The following SPRR2G variants were observed in gnomAD, a reference collection of about 807,000 sequenced individuals.
SPRR2G encodes small proline rich protein 2G.
Under a neutral mutation model 0.7 loss-of-function variants are expected in SPRR2G, and 1 was observed. That is an observed-to-expected ratio of 1.49 (90% CI 0.53 to 7.06). The LOEUF is 7.06. Ranked by LOEUF, SPRR2G falls within the 30% of genes most tolerant of loss-of-function variation. SPRR2G has a pLI of 0.14. For missense variants in SPRR2G, 96 were observed against 88.5 expected (o/e 1.09, Z -0.34); for synonymous variants, 38 against 33.9 (o/e 1.12, Z -0.42).
the SPRR2G span, among the ~76,000 whole-genome samples, chr1:153,201,319 C>T: frequency 6.6e-6 from 1 of 152,190 alleles, no homozygotes; most frequent in Non-Finnish European, 1.5e-5. Context: ...ACTGAAAGTC[C>T]AGTGACTGAT....
chr1:153,152,095 C>CA (rs1241492788), upstream of SPRR2G, among the ~76,000 whole-genome samples: 1 of 152,172 alleles, frequency 6.6e-6, no homozygotes, highest in Non-Finnish European at 1.5e-5. Flanking sequence ...TACAAAAACT[C>CA]AAAGAGTGGC....
the SPRR2G span, among the ~76,000 whole-genome samples, chr1:153,187,631 G>A: frequency 2.0e-5 from 3 of 152,064 alleles, no homozygotes; most frequent in South Asian, 6.2e-4. Context: ...TAGCTTTCTT[G>A]CATTGGGTTA....
chr1:153,192,981 G>T, the SPRR2G span, among the ~76,000 whole-genome samples: 1 of 152,152 alleles, frequency 6.6e-6, no homozygotes, highest in Non-Finnish European at 1.5e-5. Flanking sequence ...TGCGTCCTTT[G>T]TGAGGCACAC....
the SPRR2G span, among the ~76,000 whole-genome samples, chr1:153,171,428 A>G: frequency 2.6e-5 from 4 of 152,216 alleles, no homozygotes; most frequent in African/African-American, 9.6e-5. Context: ...GCTTCCCTGT[A>G]TTCATTCATC....
At chr1:153,163,998 G>A in the SPRR2G span, among the ~76,000 whole-genome samples, 16 of 152,152 alleles carry the variant, frequency 1.1e-4, no homozygotes, top group African/African-American at 2.9e-4. Context: ...TATCAATACC[G>A]TTTCATACTA....
the SPRR2G span, among the ~76,000 whole-genome samples, chr1:153,167,366 C>T: frequency 6.6e-6 from 1 of 151,894 alleles, no homozygotes; most frequent in Non-Finnish European, 1.5e-5. Context: ...CCCAGCTACT[C>T]GGGAGGCTGA....
the SPRR2G span, among the ~76,000 whole-genome samples, chr1:153,179,234 T>TCTAAG: frequency 6.6e-6 from 1 of 152,138 alleles, no homozygotes; most frequent in East Asian, 1.9e-4. Context: ...ATTTTCTCCC[T>TCTAAG]TACTTAGAGT....
chr1:153,196,505 G>A, the SPRR2G span, among the ~76,000 whole-genome samples: 1 of 152,184 alleles, frequency 6.6e-6, no homozygotes, highest in Admixed American at 6.5e-5. Context: ...AGTTTGATTA[G>A]ATAAAGCTGC....
the SPRR2G span, among the ~76,000 whole-genome samples, chr1:153,201,841 C>A: frequency 2.6e-5 from 4 of 152,234 alleles, no homozygotes; most frequent in Non-Finnish European, 5.9e-5. Flanking sequence ...TCCCCAGTGG[C>A]CCAAGGGCCA....
the SPRR2G span, among the ~76,000 whole-genome samples, chr1:153,193,207 C>T: frequency 2.0e-5 from 3 of 152,146 alleles, no homozygotes; most frequent in Non-Finnish European, 4.4e-5. Context: ...ACAGAATCCC[C>T]TCTACATCAT....
chr1:153,162,049 G>A, the SPRR2G span, among the ~76,000 whole-genome samples: 1 of 152,056 alleles, frequency 6.6e-6, no homozygotes, highest in Non-Finnish European at 1.5e-5. Flanking sequence ...GTGCAGGTTT[G>A]TTATATAGGT....
In SPRR2G at chr1:153,149,682, G is replaced by T; in HGVS notation, c.*207C>A. The T allele has an allele frequency of 1.5e-6, 1 of 656,502 alleles. No homozygotes were observed. The highest frequency in any genetic ancestry group is 2.6e-6 in the Non-Finnish European group (1 of 383,630). The allele number at this position is 656,502 out of a possible 1,614,324, so 40.7% of individuals were successfully genotyped here. Reference sequence around the variant, plus strand: ...CACCATCTACATCACAGACAGCAAAGCGAGATTAGGCAGTGATCTGGCTGC... The same window carrying T: ...CACCATCTACATCACAGACAGCAAATCGAGATTAGGCAGTGATCTGGCTGC... On this transcript the variant is annotated 3_prime_UTR_variant, in exon 2 of 2. Coordinates refer to ENST00000368748, the MANE Select transcript of SPRR2G (RefSeq NM_001014291.4).
chr1:153,174,177 T>C, the SPRR2G span, among the ~76,000 whole-genome samples: 1 of 152,196 alleles, frequency 6.6e-6, no homozygotes, highest in Non-Finnish European at 1.5e-5. Context: ...TTCCAAGAAC[T>C]CCAATTTCAT....
chr1:153,195,846 G>T, the SPRR2G span, among the ~76,000 whole-genome samples: 1 of 151,814 alleles, frequency 6.6e-6, no homozygotes, highest in Non-Finnish European at 1.5e-5. Flanking sequence ...CTCCCACCCT[G>T]AGCACCCCAC....
chr1:153,193,257 C>T, the SPRR2G span, among the ~76,000 whole-genome samples: 2 of 152,084 alleles, frequency 1.3e-5, no homozygotes, highest in Non-Finnish European at 2.9e-5. Flanking sequence ...TTCTGTGACC[C>T]ACTCACCCCC....
chr1:153,154,693 T>A (rs1364286245), upstream of SPRR2G, among the ~76,000 whole-genome samples: 1 of 152,008 alleles, frequency 6.6e-6, no homozygotes, highest in Admixed American at 6.6e-5. Context: ...TGGCATCAGT[T>A]TTCATATCTC....
chr1:153,199,143 T>C, the SPRR2G span, among the ~76,000 whole-genome samples: 2 of 152,170 alleles, frequency 1.3e-5, no homozygotes, highest in African/African-American at 4.8e-5. Flanking sequence ...CAAGAAAAAC[T>C]TACGCAATGG....
the SPRR2G span, among the ~76,000 whole-genome samples, chr1:153,177,346 C>A: frequency 2.0e-5 from 3 of 152,234 alleles, no homozygotes; most frequent in Admixed American, 2.0e-4. Flanking sequence ...CATGTTATTT[C>A]TCTTAAATGA....
At chr1:153,188,057 G>T in the SPRR2G span, among the ~76,000 whole-genome samples, 1 of 152,160 alleles carries the variant, frequency 6.6e-6, no homozygotes, top group Non-Finnish European at 1.5e-5. Context: ...AAAGATTGCT[G>T]CCTACTCCTT....
Sources: gnomAD v4.1 joint callset for allele counts (sites outside exome capture counted in the v4.1 genomes callset) on GRCh38, gnomAD v4.1.1 for gene constraint, MANE v1.5 for transcripts, NCBI Gene and HGNC (gene_info 2026-07-23, HGNC 2026-07-21) for gene names.